CNST: variants seen among roughly 807,000 people sequenced by gnomAD.
CNST encodes consortin, connexin sorting protein, also known as consortin.
CNST carries 39 observed loss-of-function variants against 72.4 expected under a neutral mutation model. That is an observed-to-expected ratio of 0.54 (90% CI 0.42 to 0.70). CNST has a LOEUF of 0.70. CNST is among the 30% of genes least tolerant of loss of function. The pLI is 0.00. For missense variants in CNST, 871 were observed against 868.5 expected, an observed-to-expected ratio of 1.00 and a Z score of -0.04; for synonymous variants, 332 against 320.1, an observed-to-expected ratio of 1.04 and a Z score of -0.40.
At chr1:246,605,084 A>G (rs576185318) in intron 2 of CNST, among the ~76,000 whole-genome samples, 1 of 152,370 alleles carries the variant, frequency 6.6e-6, no homozygotes, top group East Asian at 1.9e-4. Context: ...ATACTTTCTT[A>G]TAAGGTCATG....
intron 9 of CNST, among the ~76,000 whole-genome samples, chr1:246,652,765 G>A (rs535086860): frequency 2.0e-5 from 3 of 151,944 alleles, no homozygotes; most frequent in African/African-American, 4.8e-5. Context: ...AGCACTTTGG[G>A]AGGCCAAGGC....
chr1:246,619,775 A>C (rs1290289432), intron 2 of CNST, among the ~76,000 whole-genome samples: 2 of 152,280 alleles, frequency 1.3e-5, no homozygotes, highest in Non-Finnish European at 2.9e-5. Context: ...TTCACATTCA[A>C]ATCCAAAGAT....
Position 246,647,761 on chromosome 1 carries a change from C to T in CNST, c.1560C>T (p.Gly520=). The part of the protein sequence containing the change: ...LCGNNQISDL[G]ILLPEVCMAP... ...GAAATAATCAAATATCTGACTTAGG[C>T]ATACTGCTTCCAGAGGTGTGTATGG... The change falls in exon 9 of 11, where the codon GGC becomes GGT. Residue 520 remains glycine (G), a synonymous_variant. Coordinates refer to ENST00000366513, the MANE Select transcript of CNST (RefSeq NM_152609.3). The T allele has an allele frequency of 6.2e-7, 1 of 1,614,150 alleles. No homozygotes were observed. The highest frequency in any genetic ancestry group is 8.5e-7 in the Non-Finnish European group (1 of 1,180,026).
At chr1:246,665,045 A>G (rs1667330851) in intron 10 of CNST, among the ~76,000 whole-genome samples, 3 of 152,172 alleles carry the variant, frequency 2.0e-5, no homozygotes, top group Admixed American at 2.0e-4. Flanking sequence ...CAAGGATCTT[A>G]GAACAGCCAG....
At chr1:246,651,189 CT>C (rs1392178726) in intron 9 of CNST, among the ~76,000 whole-genome samples, 3 of 152,056 alleles carry the variant, frequency 2.0e-5, no homozygotes, top group Non-Finnish European at 2.9e-5. Context: ...AACATGATCT[CT>C]TAATAACCAA....
chr1:246,627,819 G>C (rs1664534248), intron 3 of CNST, among the ~76,000 whole-genome samples: 1 of 150,722 alleles, frequency 6.6e-6, no homozygotes, highest in Non-Finnish European at 1.5e-5. Flanking sequence ...TGAGATCTTT[G>C]GAAGGAAGAA....
chr1:246,634,843 G>A (rs1665049403), intron 6 of CNST, among the ~76,000 whole-genome samples: 1 of 152,176 alleles, frequency 6.6e-6, no homozygotes. Context: ...TGGCGTCAGC[G>A]CCACGTGAGG....
At chr1:246,646,426 A>G (rs1666076530) in intron 8 of CNST, among the ~76,000 whole-genome samples, 1 of 152,138 alleles carries the variant, frequency 6.6e-6, no homozygotes, top group Non-Finnish European at 1.5e-5. Context: ...AAAATGATGA[A>G]TGTGTTACTG....
At position 246,647,306 on chromosome 1, in the gene CNST, G is replaced by A. The variant is rs369168079; in HGVS notation, c.1105G>A (p.Ala369Thr). The change falls in exon 9 of 11, where the codon GCC (alanine) becomes ACC (threonine). Residue 369 changes from alanine to threonine, a missense_variant. Physicochemically the swap from Ala to Thr is moderately conservative, Grantham distance 58. Coordinates refer to ENST00000366513, the MANE Select transcript of CNST (RefSeq NM_152609.3). ...HMEELLCSAE[A>T]TLALHTQSSE... ...GGAGGAGCTGCTCTGCAGCGCTGAA[G>A]CCACGTTAGCGCTCCACACCCAGTC... 8 of 1,614,042 alleles carry A rather than the reference G, an allele frequency of 5.0e-6. No homozygotes were observed. The highest frequency in any genetic ancestry group is 6.8e-6 in the Non-Finnish European group (8 of 1,180,048).
intron 9 of CNST, among the ~76,000 whole-genome samples, chr1:246,653,879 C>T (rs139293499): frequency 4.0e-4 from 61 of 152,228 alleles, no homozygotes; most frequent in African/African-American, 1.4e-3. Context: ...AACTGGTACC[C>T]AAGGAGCCAG....
chr1:246,566,809 C>T (rs1659722910), intron 1 of CNST, 146 bp downstream of exon 1: 1 of 397,466 alleles, frequency 2.5e-6, no homozygotes, highest in African/African-American at 2.1e-5. Context: ...AGCCCGGTCC[C>T]CTTACCTCCT....
At position 246,566,482 on chromosome 1, in the gene CNST, C is replaced by A. The variant is rs921196307; in HGVS notation, c.-233C>A. The A allele has an allele frequency of 2.0e-5, 9 of 441,398 alleles. No homozygotes were observed. The highest frequency in any genetic ancestry group is 7.6e-5 in the Admixed American group (2 of 26,302). 27.3% of individuals were successfully genotyped at this position (441,398 alleles called of 1,614,324 possible). A position where few individuals can be genotyped will look rare whatever the true frequency, so the allele number is the denominator to read the frequency against. On this transcript the variant is annotated 5_prime_UTR_variant, in exon 1 of 11. Coordinates refer to ENST00000366513, the MANE Select transcript of CNST (RefSeq NM_152609.3). The stretch of plus-strand genomic sequence containing the variant: ...CGGTCGCGGGCCGCCAGCCTCCAGC[C>A]GGCCAGCCGCGAGGGGTGCGCAGAG...
At chr1:246,585,703 ACACACACACT>A (rs1253385800) in intron 1 of CNST, among the ~76,000 whole-genome samples, 11 of 141,196 alleles carry the variant, frequency 7.8e-5, no homozygotes, top group Non-Finnish European at 1.3e-4. Context: ...ACACACACAC[ACACACACACT>A]ATATATGTAT....
intron 10 of CNST, among the ~76,000 whole-genome samples, chr1:246,663,600 C>G (rs1667231551): frequency 6.6e-6 from 1 of 151,982 alleles, no homozygotes; most frequent in African/African-American, 2.4e-5. Context: ...AGTAGCCAGG[C>G]ATGATGGCAG....
intron 2 of CNST, among the ~76,000 whole-genome samples, chr1:246,617,499 A>AG (rs144060728): frequency 0.043 from 6,575 of 152,288 alleles, 194 homozygotes; most frequent in Middle Eastern, 0.089. Flanking sequence ...GCTGAGACTT[A>AG]GGGGCACTCC....
chr1:246,666,168 T>G lies in CNST; in HGVS notation c.*263T>G, dbSNP rs181979057. On this transcript the variant is annotated 3_prime_UTR_variant, in exon 11 of 11. Transcript: ENST00000366513. ...CCATCTCCTCCTCACTGCCTCCTAA[T>G]GTCATGAGGTACACTGAGCAGAATT... 2.8e-4 allele frequency: 120 copies of G among 427,906 alleles called. 2 individuals carry two copies. In the East Asian group the frequency reaches 4.9e-3, roughly 18 times the overall value. The allele number at this position is 427,906 out of a possible 1,614,324, so 26.5% of individuals were successfully genotyped here.
At chr1:246,611,758 C>T (rs1447984784) in intron 2 of CNST, among the ~76,000 whole-genome samples, 2 of 152,098 alleles carry the variant, frequency 1.3e-5, no homozygotes, top group Non-Finnish European at 2.9e-5. Flanking sequence ...AAAGCAAGGA[C>T]CCGAGCAGAT....
chr1:246,597,250 C>A (rs12133570), intron 2 of CNST, among the ~76,000 whole-genome samples: 1 of 152,076 alleles, frequency 6.6e-6, no homozygotes. Flanking sequence ...ACTTGTAATT[C>A]GTATACCATA....
chr1:246,638,416 A>C (rs200862605), intron 6 of CNST, among the ~76,000 whole-genome samples: 2 of 152,280 alleles, frequency 1.3e-5, no homozygotes, highest in East Asian at 3.9e-4. Context: ...TTTCTGCAGG[A>C]GCTGGGCAGC....
Sources: gnomAD v4.1 joint callset for allele counts (sites outside exome capture counted in the v4.1 genomes callset) on GRCh38, gnomAD v4.1.1 for gene constraint, MANE v1.5 for transcripts, NCBI Gene and HGNC (gene_info 2026-07-23, HGNC 2026-07-21) for gene names.